Variants in NDUFS4 observed in about 807,000 individuals in gnomAD.
NDUFS4 encodes NADH dehydrogenase [ubiquinone] iron-sulfur protein 4, mitochondrial.
A neutral mutation model predicts 24.3 loss-of-function variants in NDUFS4; 28 were observed. The ratio of observed to expected loss-of-function variants is 1.15; its 90% CI spans 0.85 to 1.58. The LOEUF is 1.58. NDUFS4 is among the 40% of genes most tolerant of loss of function. NDUFS4 has a pLI of 0.00. For synonymous variants in NDUFS4, 93 were observed against 69.7 expected (o/e 1.34, Z -1.67); for missense variants, 223 against 207.9 (o/e 1.07, Z -0.45).
chr5:53,647,750 C>G (rs970624798), intron 3 of NDUFS4, among the ~76,000 whole-genome samples: 1 of 152,152 alleles, frequency 6.6e-6, no homozygotes, highest in African/African-American at 2.4e-5. Flanking sequence ...TAGTTATAAA[C>G]TTAAATTAGA....
intron 2 of NDUFS4, among the ~76,000 whole-genome samples, chr5:53,633,717 G>A (rs980576496): frequency 6.6e-6 from 1 of 152,162 alleles, no homozygotes. Flanking sequence ...AAGATGGGTA[G>A]AAGAAAAGAT....
rs1260453815 is a variant in NDUFS4 at position 53,646,406 on chromosome 5, G to T, written c.350+1G>T. On this transcript the variant is annotated splice_donor_variant, in intron 3 of 4. Coordinates refer to ENST00000296684, the MANE Select transcript of NDUFS4 (RefSeq NM_002495.4). LOFTEE classifies it high-confidence loss of function. ...ATCCTTTGATGGGTTGGGCATCAAC[G>T]TGAGTACTTTATTTTAATGTGAATA... 5 of 1,613,078 alleles carry T rather than the reference G, an allele frequency of 3.1e-6. No individual in the cohort carries two copies. The highest frequency in any genetic ancestry group is 4.2e-6 in the Non-Finnish European group (5 of 1,179,208).
chr5:53,603,494 T>A lies in NDUFS4; in HGVS notation c.141T>A (p.Thr47=). The part of the protein sequence containing the change: ...TSTWRLAQDQ[T]QDTQLITVDE... ...CATGGAGATTGGCACAGGACCAGAC[T>A]CAAGACACACAACTCATAACAGTTG... The change falls in exon 2 of 5, where the codon ACT becomes ACA. Residue 47 remains threonine (T), a synonymous_variant. Coordinates refer to ENST00000296684, the MANE Select transcript of NDUFS4 (RefSeq NM_002495.4). The A allele has an allele frequency of 6.2e-7, 1 of 1,614,006 alleles. No individual in the cohort carries two copies. The highest frequency in any genetic ancestry group is 8.5e-7 in the Non-Finnish European group (1 of 1,179,950).
At chr5:53,650,471 T>C (rs1438914409) in intron 3 of NDUFS4, among the ~76,000 whole-genome samples, 1 of 152,108 alleles carries the variant, frequency 6.6e-6, no homozygotes, top group Non-Finnish European at 1.5e-5. Flanking sequence ...TGATGAAGAG[T>C]GGACAGTCAT....
At chr5:53,580,720 T>TTTCC in intron 1 of NDUFS4, among the ~76,000 whole-genome samples, 1 of 124,962 alleles carries the variant, frequency 8.0e-6, no homozygotes. Context: ...TTCCTTTTCC[T>TTTCC]TTTCCTTTTC....
chr5:53,615,430 G>A (rs965632158), intron 2 of NDUFS4, among the ~76,000 whole-genome samples: 1 of 151,906 alleles, frequency 6.6e-6, no homozygotes, highest in African/African-American at 2.4e-5. Context: ...TTTGAGACTA[G>A]CAAACTTTGA....
intron 2 of NDUFS4, among the ~76,000 whole-genome samples, chr5:53,620,663 A>G (rs989826692): frequency 1.3e-5 from 2 of 152,158 alleles, no homozygotes; most frequent in Non-Finnish European, 2.9e-5. Flanking sequence ...CTATTCTTAC[A>G]TTCAGTCTAT....
chr5:53,660,811 T>A (rs1326882969), intron 4 of NDUFS4, among the ~76,000 whole-genome samples: 1 of 152,238 alleles, frequency 6.6e-6, no homozygotes, highest in Admixed American at 6.5e-5. Flanking sequence ...TTGAGAAGTG[T>A]CTGTTCATAT....
At chr5:53,562,117 C>T (rs1260876226) in intron 1 of NDUFS4, among the ~76,000 whole-genome samples, 3 of 152,088 alleles carry the variant, frequency 2.0e-5, no homozygotes, top group African/African-American at 7.2e-5. Context: ...AGTTCTCCTG[C>T]CGCAGCCTCC....
intron 2 of NDUFS4, among the ~76,000 whole-genome samples, chr5:53,631,919 TC>T (rs928294349): frequency 2.0e-5 from 3 of 152,268 alleles, no homozygotes; most frequent in African/African-American, 2.4e-5. Context: ...AGTGTACCAT[TC>T]CTCCAGGTAC....
chr5:53,590,600 T>TG (rs1749918114), intron 1 of NDUFS4, among the ~76,000 whole-genome samples: 1 of 152,056 alleles, frequency 6.6e-6, no homozygotes, highest in Non-Finnish European at 1.5e-5. Flanking sequence ...AGGAGATGAG[T>TG]GATTAATAGA....
intron 1 of NDUFS4, among the ~76,000 whole-genome samples, chr5:53,573,274 C>G (rs924177939): frequency 9.9e-5 from 15 of 151,958 alleles, no homozygotes; most frequent in Non-Finnish European, 1.8e-4. Context: ...TGCACCTGGC[C>G]CATCCTTCTT....
At chr5:53,572,274 A>G (rs1257743411) in intron 1 of NDUFS4, among the ~76,000 whole-genome samples, 1 of 152,202 alleles carries the variant, frequency 6.6e-6, no homozygotes, top group African/African-American at 2.4e-5. Context: ...TATAGGGAAG[A>G]CACCTCTCAC....
intron 3 of NDUFS4, among the ~76,000 whole-genome samples, chr5:53,654,766 C>A (rs1457218648): frequency 6.6e-6 from 1 of 152,112 alleles, no homozygotes; most frequent in Non-Finnish European, 1.5e-5. Flanking sequence ...AAATGTTTCA[C>A]CAATACCTTT....
At chr5:53,583,181 A>G (rs1442309005) in intron 1 of NDUFS4, among the ~76,000 whole-genome samples, 1 of 152,064 alleles carries the variant, frequency 6.6e-6, no homozygotes. Flanking sequence ...CCGGCCTTAT[A>G]TATTTTTTTC....
At chr5:53,616,921 A>C (rs16881561) in intron 2 of NDUFS4, among the ~76,000 whole-genome samples, 22,072 of 152,152 alleles carry the variant, frequency 0.15, 1,936 homozygotes, top group Non-Finnish European at 0.19. Context: ...ACGATATAAC[A>C]ATTTGGTGAT....
chr5:53,618,163 C>A (rs1297388357), intron 2 of NDUFS4, among the ~76,000 whole-genome samples: 1 of 152,006 alleles, frequency 6.6e-6, no homozygotes, highest in African/African-American at 2.4e-5. Flanking sequence ...TCCTAGCTAC[C>A]TGGGAGACTG....
intron 1 of NDUFS4, among the ~76,000 whole-genome samples, chr5:53,590,948 A>G (rs552932887): frequency 2.6e-5 from 4 of 152,294 alleles, no homozygotes; most frequent in African/African-American, 9.6e-5. Flanking sequence ...CTTCTCTCTC[A>G]TAAGCCCCTG....
intron 4 of NDUFS4, among the ~76,000 whole-genome samples, chr5:53,665,304 G>A (rs555506982): frequency 4.6e-5 from 7 of 152,262 alleles, no homozygotes; most frequent in South Asian, 4.1e-4. Context: ...CAGTCTGTCC[G>A]TTCTCAGATC....
Sources: allele counts gnomAD v4.1 joint callset (sites outside exome capture counted in the v4.1 genomes callset), GRCh38; gene constraint gnomAD v4.1.1; transcripts MANE v1.5; gene names NCBI Gene and HGNC (gene_info 2026-07-23, HGNC 2026-07-21).